The following HSPA12A variants were observed in gnomAD, a reference collection of about 807,000 sequenced individuals.
HSPA12A encodes heat shock protein family A (Hsp70) member 12A, also known as heat shock 70 kDa protein 12A.
HSPA12A carries 28 observed loss-of-function variants against 69.2 expected under a neutral mutation model. The ratio of observed to expected loss-of-function variants is 0.40; its 90% CI spans 0.30 to 0.55. The LOEUF is 0.55. Among genes scored for constraint, HSPA12A ranks in the 20% least tolerant of loss-of-function variants. The pLI, the probability that HSPA12A is intolerant of heterozygous loss-of-function variation, is 0.38. For synonymous variants in HSPA12A, 345 were observed against 370.5 expected (o/e 0.93, Z 0.79); for missense variants, 686 against 900.7 (o/e 0.76, Z 3.05).
At chr10:116,837,480 C>T (rs917450397) in intron 1 of HSPA12A, among the ~76,000 whole-genome samples, 1 of 152,126 alleles carries the variant, frequency 6.6e-6, no homozygotes, top group African/African-American at 2.4e-5. Context: ...GCAAAAACAT[C>T]TGCCTACTTA....
intron 2 of HSPA12A, among the ~76,000 whole-genome samples, chr10:116,805,543 C>G (rs1845050048): frequency 6.6e-6 from 1 of 151,964 alleles, no homozygotes; most frequent in South Asian, 2.1e-4. Flanking sequence ...AAAATGTACA[C>G]AAAAGGAGAA....
At chr10:116,704,724 G>A (rs1282622093) in intron 3 of HSPA12A, among the ~76,000 whole-genome samples, 3 of 152,232 alleles carry the variant, frequency 2.0e-5, no homozygotes, top group African/African-American at 7.2e-5. Context: ...CACACATTGT[G>A]AGGGAGGTAT....
At chr10:116,788,062 CA>C (rs567568052) in intron 2 of HSPA12A, among the ~76,000 whole-genome samples, 5 of 152,208 alleles carry the variant, frequency 3.3e-5, no homozygotes, top group Non-Finnish European at 7.3e-5. Context: ...CCGTTAAATT[CA>C]GATGCTACGC....
chr10:116,776,083 C>T (rs1299087695), intron 2 of HSPA12A, among the ~76,000 whole-genome samples: 1 of 152,144 alleles, frequency 6.6e-6, no homozygotes, highest in Non-Finnish European at 1.5e-5. Flanking sequence ...GAGCTGACTG[C>T]CCCCCAGTAC....
rs528483821 is a variant in HSPA12A at position 116,722,261 on chromosome 10, G to A, written c.41-14976C>T. On this transcript the variant is annotated intron_variant, in intron 1 of 11. Transcript: ENST00000369209. The stretch of plus-strand genomic sequence containing the variant: ...GTGACTAGCCTGACTTCCAGCAGGC[G>A]CACAATCCTCCCCCACAGAGCCCAA... Among the ~76,000 whole-genome samples the A allele has an allele frequency of 2.1e-3, 317 of 152,296 alleles. 1 individual carries two copies. The highest frequency in any genetic ancestry group is 7.1e-3 in the African/African-American group (297 of 41,564).
chr10:116,771,347 G>T (rs1844203533), intron 2 of HSPA12A, among the ~76,000 whole-genome samples: 1 of 146,396 alleles, frequency 6.8e-6, no homozygotes, highest in African/African-American at 2.8e-5. Flanking sequence ...GAGGACAGGG[G>T]CCCTGACGAG....
intron 1 of HSPA12A, among the ~76,000 whole-genome samples, chr10:116,837,818 A>G (rs777169893): frequency 2.2e-5 from 3 of 136,752 alleles, no homozygotes; most frequent in Non-Finnish European, 4.4e-5. Flanking sequence ...AAGAATGCAA[A>G]AAAAAAAAAT....
At chr10:116,779,330 G>T (rs900489353) in intron 2 of HSPA12A, among the ~76,000 whole-genome samples, 2 of 152,178 alleles carry the variant, frequency 1.3e-5, no homozygotes, top group Non-Finnish European at 2.9e-5. Context: ...CTACTGAGGA[G>T]ACCAGGGCCA....
chr10:116,736,155 T>C (rs1409172182), intron 1 of HSPA12A, among the ~76,000 whole-genome samples: 1 of 152,198 alleles, frequency 6.6e-6, no homozygotes, highest in Non-Finnish European at 1.5e-5. Flanking sequence ...TAAACCTTTT[T>C]ATTCAGATCT....
chr10:116,835,391 C>G (rs1049069576), intron 1 of HSPA12A: 2 of 152,878 alleles, frequency 1.3e-5, no homozygotes, highest in Admixed American at 1.3e-4. Flanking sequence ...GAACGAGGCC[C>G]GGTTCTTTCT....
chr10:116,798,570 T>C (rs1844885500), intron 2 of HSPA12A, among the ~76,000 whole-genome samples: 1 of 151,940 alleles, frequency 6.6e-6, no homozygotes, highest in Non-Finnish European at 1.5e-5. Context: ...CAGGAGGAAG[T>C]AGAGGATGGG....
chr10:116,846,381 G>C (rs933759039), intron 1 of HSPA12A, among the ~76,000 whole-genome samples: 1 of 145,564 alleles, frequency 6.9e-6, no homozygotes, highest in African/African-American at 2.6e-5. Flanking sequence ...GCAGAGTCTC[G>C]CTCTGTCACC....
chr10:116,837,721 C>A (rs1024392550), intron 1 of HSPA12A, among the ~76,000 whole-genome samples: 2 of 151,832 alleles, frequency 1.3e-5, no homozygotes, highest in Non-Finnish European at 2.9e-5. Context: ...AGGGCAATAA[C>A]ACATACTATA....
chr10:116,682,458 G>GT (rs1564774789), intron 7 of HSPA12A, among the ~76,000 whole-genome samples: 1 of 151,368 alleles, frequency 6.6e-6, no homozygotes, highest in East Asian at 2.0e-4. Flanking sequence ...AATAGACTGG[G>GT]GGGGGGGGCC....
At chr10:116,837,148 C>A (rs1252016891) in intron 1 of HSPA12A, among the ~76,000 whole-genome samples, 1 of 152,152 alleles carries the variant, frequency 6.6e-6, no homozygotes, top group African/African-American at 2.4e-5. Context: ...TAGTCATTGC[C>A]ACACCAATGT....
intron 1 of HSPA12A, among the ~76,000 whole-genome samples, chr10:116,842,696 G>A (rs535167778): frequency 2.0e-5 from 3 of 152,166 alleles, no homozygotes; most frequent in East Asian, 1.9e-4. Context: ...TCTGCCTCCC[G>A]GGTTCAAGCG....
At chr10:116,712,007 T>G (rs1036324571) in intron 1 of HSPA12A, among the ~76,000 whole-genome samples, 2 of 152,082 alleles carry the variant, frequency 1.3e-5, no homozygotes, top group African/African-American at 2.4e-5. Flanking sequence ...CTTTCAAGAA[T>G]GCAAACTACT....
chr10:116,783,887 A>C (rs1332055443), intron 2 of HSPA12A, among the ~76,000 whole-genome samples: 1 of 152,122 alleles, frequency 6.6e-6, no homozygotes, highest in Non-Finnish European at 1.5e-5. Context: ...TATTTTTAGT[A>C]GAGACAGGGT....
intron 2 of HSPA12A, among the ~76,000 whole-genome samples, chr10:116,811,579 T>TAAAAAAAAAAAAAAAAAAAAA (rs60912684): frequency 3.8e-5 from 4 of 105,932 alleles, no homozygotes; most frequent in African/African-American, 1.1e-4. Context: ...TTGCTTTTGT[T>TAAAAAAAAAAAAAAAAAAAAA]AAAAAAAAAA....
Sources: allele counts gnomAD v4.1 joint callset (sites outside exome capture counted in the v4.1 genomes callset), GRCh38; gene constraint gnomAD v4.1.1; transcripts MANE v1.5; gene names NCBI Gene and HGNC (gene_info 2026-07-23, HGNC 2026-07-21).